The following SCN2A variants were observed in gnomAD, a reference collection of about 807,000 sequenced individuals.
SCN2A encodes the protein sodium channel protein type 2 subunit alpha.
SCN2A carries 20 observed loss-of-function variants against 188.7 expected under a neutral mutation model. The ratio of observed to expected loss-of-function variants is 0.11; its 90% CI spans 0.07 to 0.15. SCN2A has a LOEUF of 0.15. SCN2A is among the 10% of genes least tolerant of loss of function. The pLI is 1.00. For synonymous variants in SCN2A, 804 were observed against 833.1 expected (o/e 0.97, Z 0.60); for missense variants, 1,278 against 2,445.0 (o/e 0.52, Z 10.07).
intron 12 of SCN2A, among the ~76,000 whole-genome samples, chr2:165,326,408 A>G (rs935746893): frequency 3.3e-5 from 5 of 152,232 alleles, no homozygotes; most frequent in Non-Finnish European, 5.9e-5. Flanking sequence ...TTTTAGGGGA[A>G]CTGTTACTGA....
chr2:165,249,763 T>G (rs140963533), intron 1 of SCN2A, among the ~76,000 whole-genome samples: 3 of 152,188 alleles, frequency 2.0e-5, no homozygotes, highest in African/African-American at 7.2e-5. Context: ...TTTCCATTGT[T>G]TACCACCTAA....
intron 1 of SCN2A, among the ~76,000 whole-genome samples, chr2:165,261,661 A>G (rs1458311910): frequency 6.6e-6 from 1 of 152,182 alleles, no homozygotes; most frequent in Non-Finnish European, 1.5e-5. Context: ...TGTTGATACA[A>G]ATTATCTTTG....
At chr2:165,250,214 A>G (rs1694024573) in intron 1 of SCN2A, among the ~76,000 whole-genome samples, 1 of 152,018 alleles carries the variant, frequency 6.6e-6, no homozygotes, top group African/African-American at 2.4e-5. Flanking sequence ...GAGGTAATAC[A>G]TATGCTGAGC....
At chr2:165,291,040 T>TTA (rs1559339549) in intron 1 of SCN2A, among the ~76,000 whole-genome samples, 1 of 126,302 alleles carries the variant, frequency 7.9e-6, no homozygotes, top group Non-Finnish European at 1.6e-5. Context: ...TCTTTCTTTT[T>TTA]TTTTTTTTTT....
intron 1 of SCN2A, chr2:165,270,044 A>G (rs1695036796): frequency 1.3e-5 from 2 of 151,830 alleles, no homozygotes; most frequent in Admixed American, 6.6e-5. Flanking sequence ...GTTTACTTTA[A>G]TCTCTTCATC....
At chr2:165,293,557 A>G (rs1032213715) in intron 1 of SCN2A, among the ~76,000 whole-genome samples, 1 of 152,210 alleles carries the variant, frequency 6.6e-6, no homozygotes, top group Non-Finnish European at 1.5e-5. Flanking sequence ...GACAAGGTAC[A>G]GTAAAAAATA....
chr2:165,364,137 C>T (rs1700603347), intron 17 of SCN2A, among the ~76,000 whole-genome samples: 1 of 152,074 alleles, frequency 6.6e-6, no homozygotes, highest in Admixed American at 6.6e-5. Flanking sequence ...TTACCTCATC[C>T]TTTTTATAAA....
chr2:165,370,001 T>C (rs1027536274), intron 19 of SCN2A, 125 bp from the exon 20 acceptor site: 11 of 756,662 alleles, frequency 1.5e-5, no homozygotes, highest in South Asian at 1.2e-4. Context: ...AATTCAGCCA[T>C]GGGAAACATT....
chr2:165,279,498 TTAAATGA>T (rs1559333227), intron 1 of SCN2A, among the ~76,000 whole-genome samples: 1 of 152,178 alleles, frequency 6.6e-6, no homozygotes, highest in Non-Finnish European at 1.5e-5. Context: ...TTACTTGGAC[TTAAATGA>T]TAAAGTTTTT....
At chr2:165,313,490 G>T in intron 8 of SCN2A, 130 bp from the exon 9 acceptor site, 3 of 920,904 alleles carry the variant, frequency 3.3e-6, no homozygotes, top group East Asian at 2.5e-5. Context: ...TTAAGTACTG[G>T]GTAAGGTGAG....
chr2:165,279,276 A>G (rs1695482375), intron 1 of SCN2A, among the ~76,000 whole-genome samples: 2 of 152,322 alleles, frequency 1.3e-5, no homozygotes, highest in South Asian at 4.1e-4. Context: ...GGTATTTGAG[A>G]TAATTTTGAT....
intron 20 of SCN2A, chr2:165,371,774 G>T (rs1701041734): frequency 6.6e-6 from 1 of 152,156 alleles, no homozygotes; most frequent in Non-Finnish European, 1.5e-5. Flanking sequence ...ATTACATATA[G>T]GGAAGTGACA....
chr2:165,350,472 T>C (rs1453592752), intron 16 of SCN2A, among the ~76,000 whole-genome samples: 19 of 101,780 alleles, frequency 1.9e-4, no homozygotes, highest in Admixed American at 7.6e-4. Context: ...TTCTTTTTTT[T>C]TTTTTTTTTT....
intron 17 of SCN2A, among the ~76,000 whole-genome samples, chr2:165,362,055 C>G (rs1700487192): frequency 6.6e-6 from 1 of 152,000 alleles, no homozygotes; most frequent in East Asian, 1.9e-4. Flanking sequence ...AGAGTCCTCG[C>G]ACTGGTCATT....
intron 11 of SCN2A, among the ~76,000 whole-genome samples, chr2:165,322,707 T>G (rs760806406): frequency 1.3e-5 from 2 of 152,218 alleles, no homozygotes; most frequent in Non-Finnish European, 2.9e-5. Flanking sequence ...CAGGGTGTGG[T>G]CACTAGCGAG....
chr2:165,375,146 T>C (rs1417849946), intron 22 of SCN2A, among the ~76,000 whole-genome samples, 180 bp downstream of exon 22: 1 of 151,952 alleles, frequency 6.6e-6, no homozygotes, highest in Non-Finnish European at 1.5e-5. Context: ...GGGATGTAAA[T>C]TAGTATAGCT....
At chr2:165,291,348 GTTCGTTCCTTCCTTCC>G (rs1470635261) in intron 1 of SCN2A, among the ~76,000 whole-genome samples, 4,080 of 82,006 alleles carry the variant, frequency 0.05, 244 homozygotes, top group African/African-American at 0.11. Flanking sequence ...CTTGTCTGTC[GTTCGTTCCTTCCTTCC>G]TTCCTTCCTT....
At chr2:165,247,861 C>G (rs1693914497) in intron 1 of SCN2A, among the ~76,000 whole-genome samples, 1 of 152,172 alleles carries the variant, frequency 6.6e-6, no homozygotes, top group African/African-American at 2.4e-5. Context: ...CATCCCTAAA[C>G]TAAATTTCGG....
At position 165,249,050 on chromosome 2, in the gene SCN2A, T is replaced by C. The variant is rs79739345; in HGVS notation, c.-52+9410T>C. 5.0e-3 allele frequency among the ~76,000 whole-genome samples: 764 copies of C among 152,238 alleles called. 19 individuals carry two copies. In the East Asian group the frequency reaches 0.063, roughly 13 times the overall value. ...ATCATTAATAGTTACTGAAGACCTT[T>C]TCCTGATATATATGACATTTAATGT... On this transcript the variant is annotated intron_variant, in intron 1 of 26. Coordinates refer to ENST00000375437, the MANE Select transcript of SCN2A (RefSeq NM_001040142.2).
Sources: allele counts gnomAD v4.1 joint callset (sites outside exome capture counted in the v4.1 genomes callset), GRCh38; gene constraint gnomAD v4.1.1; transcripts MANE v1.5; gene names NCBI Gene and HGNC (gene_info 2026-07-23, HGNC 2026-07-21).